The following CSNK1G1 variants were observed in gnomAD, a reference collection of about 807,000 sequenced individuals.
The protein encoded by CSNK1G1 is casein kinase 1 gamma 1, also known as casein kinase I isoform gamma-1.
CSNK1G1 carries 22 observed loss-of-function variants against 59.6 expected under a neutral mutation model. The observed-to-expected ratio is 0.37, with a 90% CI of 0.26 to 0.53. The LOEUF (loss-of-function observed/expected upper bound fraction) is 0.53. Among genes scored for constraint, CSNK1G1 ranks in the 20% least tolerant of loss-of-function variants. The pLI is 0.89. For synonymous variants in CSNK1G1, 179 were observed against 177.1 expected (o/e 1.01, Z -0.08); for missense variants, 384 against 519.5 (o/e 0.74, Z 2.54).
intron 2 of CSNK1G1, among the ~76,000 whole-genome samples, chr15:64,282,437 A>T (rs111718034): frequency 1.3e-5 from 2 of 151,554 alleles, no homozygotes; most frequent in East Asian, 1.9e-4. Flanking sequence ...GTTAATTTTT[A>T]TATCTTTTTG....
chr15:64,192,503 A>T (rs1038424483), intron 10 of CSNK1G1, among the ~76,000 whole-genome samples: 2 of 152,226 alleles, frequency 1.3e-5, no homozygotes, highest in Admixed American at 6.5e-5. Flanking sequence ...CTGTTGAAAA[A>T]GTGAAAACCC....
intron 4 of CSNK1G1, among the ~76,000 whole-genome samples, chr15:64,217,802 C>A (rs1451839571): frequency 6.9e-6 from 1 of 143,984 alleles, no homozygotes; most frequent in East Asian, 2.0e-4. Context: ...GGTGACAGAG[C>A]GAGACTCCAT....
chr15:64,178,295 CT>C (rs1288892345), intron 11 of CSNK1G1, among the ~76,000 whole-genome samples: 1 of 151,940 alleles, frequency 6.6e-6, no homozygotes, highest in Non-Finnish European at 1.5e-5. Context: ...TTAAAATGGC[CT>C]TTTCCTGGCA....
chr15:64,220,903 G>C (rs1739409699), intron 4 of CSNK1G1, among the ~76,000 whole-genome samples: 1 of 152,180 alleles, frequency 6.6e-6, no homozygotes. Context: ...TGGCTAGAAT[G>C]AAAGGTCCAG....
chr15:64,253,768 G>A (rs556067922), intron 3 of CSNK1G1, among the ~76,000 whole-genome samples: 19 of 152,220 alleles, frequency 1.2e-4, no homozygotes, highest in African/African-American at 4.3e-4. Flanking sequence ...GCTACAACAC[G>A]GGCAAACCTT....
chr15:64,244,151 A>G (rs996395543), intron 4 of CSNK1G1, among the ~76,000 whole-genome samples: 4 of 152,150 alleles, frequency 2.6e-5, no homozygotes, highest in Admixed American at 2.0e-4. Flanking sequence ...CCTGGGCGAC[A>G]GAGCGAGACT....
In CSNK1G1 at chr15:64,206,165, G is replaced by C. The variant is rs143958095; in HGVS notation, c.766-1216C>G. Among the ~76,000 whole-genome samples the C allele has an allele frequency of 8.2e-3, 1,255 of 152,258 alleles. 17 individuals carry two copies. The highest frequency in any genetic ancestry group is 0.028 in the African/African-American group (1,177 of 41,548). On this transcript the variant is annotated intron_variant, in intron 7 of 11. Coordinates refer to ENST00000303052, the MANE Select transcript of CSNK1G1 (RefSeq NM_022048.5). ...TACTAAAAATACAAAAAATTGGCTG[G>C]GTGCAGTGGCTCACGCCTGTAATCC...
intron 2 of CSNK1G1, among the ~76,000 whole-genome samples, chr15:64,286,049 T>G (rs1019730396): frequency 1.3e-5 from 2 of 152,218 alleles, no homozygotes; most frequent in African/African-American, 4.8e-5. Context: ...TGAGGTTCTT[T>G]ACATTTTCTT....
intron 2 of CSNK1G1, among the ~76,000 whole-genome samples, chr15:64,292,796 C>T (rs181377928): frequency 7.2e-5 from 11 of 152,100 alleles, no homozygotes; most frequent in African/African-American, 9.6e-5. Context: ...GGCATGGTGG[C>T]GGGCACCTGT....
chr15:64,326,763 C>G (rs1313829334), intron 1 of CSNK1G1, among the ~76,000 whole-genome samples: 8 of 151,540 alleles, frequency 5.3e-5, no homozygotes, highest in African/African-American at 1.9e-4. Context: ...TCTGAGGTAC[C>G]GGGTTCATCT....
intron 2 of CSNK1G1, among the ~76,000 whole-genome samples, chr15:64,277,608 T>C (rs577871732): frequency 6.0e-4 from 82 of 137,550 alleles, no homozygotes; most frequent in South Asian, 1.8e-3. Context: ...AATAATATAT[T>C]AATATTGGTA....
chr15:64,287,559 A>G (rs1048461781), intron 2 of CSNK1G1, among the ~76,000 whole-genome samples: 4 of 152,108 alleles, frequency 2.6e-5, no homozygotes, highest in African/African-American at 9.7e-5. Flanking sequence ...TGCCCCACCC[A>G]AAGCACTGTG....
chr15:64,262,075 G>A (rs1022545904), intron 2 of CSNK1G1, among the ~76,000 whole-genome samples: 2 of 152,124 alleles, frequency 1.3e-5, no homozygotes, highest in Non-Finnish European at 2.9e-5. Flanking sequence ...GATTTTGCAT[G>A]AGCATTGTGA....
In CSNK1G1 at chr15:64,168,870, G is replaced by A. The variant is rs1596038497; in HGVS notation, c.*3061C>T. On this transcript the variant is annotated 3_prime_UTR_variant, in exon 12 of 12. Coordinates refer to ENST00000303052, the MANE Select transcript of CSNK1G1 (RefSeq NM_022048.5). Reference sequence around the variant, plus strand: ...GGAAGATCCCACCAGAATCTCCCAGGTCTGGGACCACTTTGAAGTGCCAAT... The same window carrying A: ...GGAAGATCCCACCAGAATCTCCCAGATCTGGGACCACTTTGAAGTGCCAAT... The A allele has an allele frequency of 6.6e-6, 1 of 152,284 alleles. No homozygotes were observed. The highest frequency in any genetic ancestry group is 1.9e-4 in the East Asian group (1 of 5,194). The allele number at this position is 152,284 out of a possible 1,614,324, so 9.4% of individuals were successfully genotyped here. A position where few individuals can be genotyped will look rare whatever the true frequency, so the allele number is the denominator to read the frequency against.
intron 1 of CSNK1G1, among the ~76,000 whole-genome samples, chr15:64,316,577 C>T (rs149490307): frequency 2.1e-3 from 312 of 148,992 alleles, no homozygotes; most frequent in African/African-American, 7.4e-3. Flanking sequence ...AAAGTTAATA[C>T]AGCTTGTCTA....
chr15:64,213,182 A>T (rs374339503), intron 6 of CSNK1G1, among the ~76,000 whole-genome samples: 4 of 152,104 alleles, frequency 2.6e-5, no homozygotes, highest in African/African-American at 7.2e-5. Context: ...CTTTTCTTCA[A>T]ATAGAATCTT....
chr15:64,201,797 A>C (rs1420055443), intron 10 of CSNK1G1, among the ~76,000 whole-genome samples: 1 of 151,492 alleles, frequency 6.6e-6, no homozygotes, highest in African/African-American at 2.4e-5. Context: ...TGCATCTATG[A>C]AATAAATGTT....
chr15:64,205,401 GA>G (rs1190966187), intron 7 of CSNK1G1, among the ~76,000 whole-genome samples: 6 of 151,742 alleles, frequency 4.0e-5, no homozygotes, highest in Non-Finnish European at 5.9e-5. Context: ...ACTTTGAACA[GA>G]AAAAAAACAA....
intron 1 of CSNK1G1, among the ~76,000 whole-genome samples, chr15:64,309,719 T>C (rs569587153): frequency 1.3e-5 from 2 of 152,310 alleles, no homozygotes; most frequent in South Asian, 2.1e-4. Context: ...ATTGTGATCA[T>C]TGTGAAAAAG....
Sources: gnomAD v4.1 joint callset for allele counts (sites outside exome capture counted in the v4.1 genomes callset) on GRCh38, gnomAD v4.1.1 for gene constraint, MANE v1.5 for transcripts, NCBI Gene and HGNC (gene_info 2026-07-23, HGNC 2026-07-21) for gene names.